Variants in UTRN observed in about 807,000 individuals in gnomAD.
UTRN encodes the protein utrophin, also known as dystrophin-related protein 1.
UTRN carries 283 observed loss-of-function variants against 463.9 expected under a neutral mutation model. The observed-to-expected ratio is 0.61, with a 90% CI of 0.55 to 0.67. UTRN has a LOEUF of 0.67. Ranked by LOEUF, UTRN falls within the 30% of genes least tolerant of loss-of-function variation. UTRN has a pLI of 0.00. For missense variants in UTRN, 3,922 were observed against 4,084.3 expected, an observed-to-expected ratio of 0.96 and a Z score of 1.08; for synonymous variants, 1,442 against 1,431.5, an observed-to-expected ratio of 1.01 and a Z score of -0.17.
rs151202276 is a variant in UTRN, at chr6:144,469,115, A to G, written c.3067-4605A>G. On this transcript the variant is annotated intron_variant, in intron 23 of 74. Coordinates refer to ENST00000367545, the MANE Select transcript of UTRN (RefSeq NM_007124.3). ...GCTGTATTTGGCCAGGTCTAGCCAG[A>G]TATATAAGCAGTAGCCATTTGAAAC... 9.7e-4 allele frequency among the ~76,000 whole-genome samples: 148 copies of G among 152,346 alleles called. 1 individual carries two copies. Among genetic ancestry groups the G allele is most frequent in the South Asian group, 1.9e-3 (9 of 4,830 alleles).
chr6:144,346,871 G>C (rs1345211000), intron 2 of UTRN, among the ~76,000 whole-genome samples: 1 of 135,098 alleles, frequency 7.4e-6, no homozygotes, highest in African/African-American at 3.7e-5. Flanking sequence ...GTCTATCTAT[G>C]TATCATCTAT....
chr6:144,753,803 G>T (rs1302042592), intron 56 of UTRN, among the ~76,000 whole-genome samples: 1 of 151,398 alleles, frequency 6.6e-6, no homozygotes, highest in East Asian at 2.0e-4. Context: ...GGAGGTCGAG[G>T]CTGCAGTAAG....
chr6:144,370,874 A>G (rs973320777), intron 2 of UTRN, among the ~76,000 whole-genome samples: 1 of 152,190 alleles, frequency 6.6e-6, no homozygotes, highest in Non-Finnish European at 1.5e-5. Flanking sequence ...TGGATTTCAG[A>G]CTTACATGGG....
intron 51 of UTRN, among the ~76,000 whole-genome samples, chr6:144,591,639 G>A (rs1196282691): frequency 1.3e-5 from 2 of 152,164 alleles, no homozygotes; most frequent in Non-Finnish European, 2.9e-5. Context: ...TTGCTTAGTA[G>A]AGGATGGAAA....
intron 51 of UTRN, among the ~76,000 whole-genome samples, chr6:144,628,652 A>G (rs796521168): frequency 1.3e-5 from 2 of 152,352 alleles, no homozygotes; most frequent in African/African-American, 4.8e-5. Flanking sequence ...TTACTAACTC[A>G]TATCCTAAAT....
intron 51 of UTRN, among the ~76,000 whole-genome samples, chr6:144,640,826 T>C (rs9390183): frequency 0.35 from 53,955 of 152,046 alleles, 9,749 homozygotes; most frequent in Middle Eastern, 0.49. Flanking sequence ...TTAATTTTTG[T>C]AGTTGAAATA....
At chr6:144,735,235 G>A (rs1789241656) in intron 54 of UTRN, among the ~76,000 whole-genome samples, 1 of 152,200 alleles carries the variant, frequency 6.6e-6, no homozygotes, top group Non-Finnish European at 1.5e-5. Context: ...AGGAGAGAAG[G>A]ACTCTGAGGG....
chr6:144,836,221 A>C, intron 70 of UTRN, 80 bp from the exon 71 acceptor site: 1 of 1,590,158 alleles, frequency 6.3e-7, no homozygotes, highest in South Asian at 1.1e-5. Flanking sequence ...AGCATGAGCT[A>C]AATTTGAACC....
At chr6:144,720,863 C>T (rs148163559) in intron 53 of UTRN, among the ~76,000 whole-genome samples, 13 of 152,138 alleles carry the variant, frequency 8.5e-5, no homozygotes, top group Non-Finnish European at 2.9e-5. Flanking sequence ...CACTTAACCA[C>T]GTTCTGGGCT....
rs1318500082 is a variant in UTRN, at chr6:144,852,648, G to T, written c.*1651G>T. 6.6e-6 allele frequency: 1 copy of T among 152,560 alleles called. No individual in the cohort carries two copies. The highest frequency in any genetic ancestry group is 1.5e-5 in the Non-Finnish European group (1 of 68,028). 9.5% of individuals were successfully genotyped at this position (152,560 alleles called of 1,614,324 possible). ...GCATTGGAAACTGCTTTATGCTGCTGCAGTCTGCAAAGTCTAGAGCTTTTA... is the reference window on the plus strand; with the variant it reads ...GCATTGGAAACTGCTTTATGCTGCTTCAGTCTGCAAAGTCTAGAGCTTTTA... On this transcript the variant is annotated 3_prime_UTR_variant, in exon 75 of 75. Transcript: ENST00000367545.
intron 59 of UTRN, among the ~76,000 whole-genome samples, chr6:144,773,903 G>A (rs1775075881): frequency 6.6e-6 from 1 of 152,144 alleles, no homozygotes; most frequent in Non-Finnish European, 1.5e-5. Context: ...CCTTGGGGAA[G>A]GGGAATTCTG....
intron 23 of UTRN, among the ~76,000 whole-genome samples, chr6:144,466,994 T>G (rs1293097912): frequency 6.6e-6 from 1 of 152,250 alleles, no homozygotes; most frequent in African/African-American, 2.4e-5. Context: ...CTGGAATTCA[T>G]CTTTCACACC....
chr6:144,627,857 T>C (rs947256945), intron 51 of UTRN, among the ~76,000 whole-genome samples: 5 of 146,506 alleles, frequency 3.4e-5, no homozygotes, highest in Non-Finnish European at 5.9e-5. Context: ...TAGAGTGCAG[T>C]GGCATGATCT....
At chr6:144,623,112 A>G (rs1775596979) in intron 51 of UTRN, among the ~76,000 whole-genome samples, 2 of 152,220 alleles carry the variant, frequency 1.3e-5, no homozygotes, top group South Asian at 4.1e-4. Context: ...GTAGCTCTGT[A>G]AATAGAGGAC....
intron 54 of UTRN, among the ~76,000 whole-genome samples, chr6:144,741,806 G>A (rs1039749936): frequency 6.6e-5 from 10 of 152,010 alleles, no homozygotes; most frequent in African/African-American, 2.4e-4. Context: ...CTAGTGGTTG[G>A]CCCCTGCTTC....
chr6:144,758,031 A>G, intron 58 of UTRN, 42 bp downstream of exon 58: 2 of 1,544,376 alleles, frequency 1.3e-6, no homozygotes, highest in South Asian at 2.3e-5. Flanking sequence ...CAAGAAAATC[A>G]TGTTTTATTG....
intron 2 of UTRN, among the ~76,000 whole-genome samples, chr6:144,389,841 C>A (rs564800822): frequency 1.8e-4 from 27 of 152,138 alleles, no homozygotes; most frequent in Non-Finnish European, 2.9e-4. Flanking sequence ...TCAGATGATC[C>A]GCCCATCCTG....
intron 58 of UTRN, among the ~76,000 whole-genome samples, chr6:144,767,162 G>A (rs1204729604): frequency 6.6e-6 from 1 of 152,050 alleles, no homozygotes; most frequent in East Asian, 1.9e-4. Flanking sequence ...AGTTTATTAG[G>A]GAATATAGTG....
intron 51 of UTRN, among the ~76,000 whole-genome samples, chr6:144,598,812 C>T (rs1179027592): frequency 6.6e-6 from 1 of 152,168 alleles, no homozygotes; most frequent in Non-Finnish European, 1.5e-5. Flanking sequence ...TCCAACCACC[C>T]ATTCCCATCA....
Sources: gnomAD v4.1 joint callset for allele counts (sites outside exome capture counted in the v4.1 genomes callset) on GRCh38, gnomAD v4.1.1 for gene constraint, MANE v1.5 for transcripts, NCBI Gene and HGNC (gene_info 2026-07-23, HGNC 2026-07-21) for gene names.